Variants in MCC observed in about 807,000 individuals in gnomAD.
MCC encodes colorectal mutant cancer protein.
In MCC, 90 loss-of-function variants were observed where a neutral mutation model predicts 116.2. The observed-to-expected ratio is 0.77, with a 90% CI of 0.65 to 0.92. The LOEUF (loss-of-function observed/expected upper bound fraction) is 0.92, where lower values mean the gene tolerates loss of function less well. Ranked by LOEUF, MCC falls within the 40% of genes least tolerant of loss-of-function variation. MCC has a pLI of 0.00. For synonymous variants in MCC, 578 were observed against 510.5 expected (o/e 1.13, Z -1.78); for missense variants, 1,516 against 1,312.2 (o/e 1.16, Z -2.40).
At chr5:113,123,677 C>G (rs1757863254) in intron 5 of MCC, among the ~76,000 whole-genome samples, 1 of 152,108 alleles carries the variant, frequency 6.6e-6, no homozygotes, top group African/African-American at 2.4e-5. Context: ...CCCACACCAC[C>G]ACCATCACCA....
At chr5:113,481,103 G>GT (rs1264818277) in intron 1 of MCC, among the ~76,000 whole-genome samples, 1 of 152,112 alleles carries the variant, frequency 6.6e-6, no homozygotes, top group Non-Finnish European at 1.5e-5. Flanking sequence ...ATATGAAGAA[G>GT]TTTTAGAATT....
intron 11 of MCC, among the ~76,000 whole-genome samples, chr5:113,076,330 G>A (rs1754452867): frequency 6.6e-6 from 1 of 152,136 alleles, no homozygotes; most frequent in South Asian, 2.1e-4. Context: ...TACTCCTTGA[G>A]AAGAGCATCT....
Position 113,027,116 on chromosome 5 carries a change from C to G in MCC, c.*186G>C, listed in dbSNP as rs1054894414. The G allele has an allele frequency of 1.6e-5, 10 of 609,328 alleles. No homozygotes were observed. The highest frequency in any genetic ancestry group is 1.1e-4 in the African/African-American group (6 of 53,900). The allele number at this position is 609,328 out of a possible 1,614,324, so 37.7% of individuals were successfully genotyped here. A position where few individuals can be genotyped will look rare whatever the true frequency, so the allele number is the denominator to read the frequency against. ...AGGGAAGAGCGGGCACCTCTGGATA[C>G]AGTCCACAATGTCACCATGGCCAGT... On this transcript the variant is annotated 3_prime_UTR_variant, in exon 19 of 19. Coordinates refer to ENST00000408903, the MANE Select transcript of MCC (RefSeq NM_001085377.2).
chr5:113,430,696 G>A (rs1770611086), intron 1 of MCC, among the ~76,000 whole-genome samples: 1 of 152,170 alleles, frequency 6.6e-6, no homozygotes, highest in Non-Finnish European at 1.5e-5. Flanking sequence ...AGGAGGGCAT[G>A]GAAAAGTAAG....
intron 3 of MCC, among the ~76,000 whole-genome samples, chr5:113,167,329 T>A (rs931865509): frequency 6.6e-6 from 1 of 152,202 alleles, no homozygotes; most frequent in African/African-American, 2.4e-5. Flanking sequence ...TACAGAAGTG[T>A]GAAATTTGCG....
intron 3 of MCC, among the ~76,000 whole-genome samples, chr5:113,201,104 G>C (rs1470819760): frequency 6.6e-6 from 1 of 152,040 alleles, no homozygotes; most frequent in African/African-American, 2.4e-5. Flanking sequence ...CTACTGGCCT[G>C]GCTGGGCACA....
intron 3 of MCC, among the ~76,000 whole-genome samples, chr5:113,324,573 A>G (rs1433516993): frequency 2.0e-5 from 3 of 152,192 alleles, no homozygotes; most frequent in Non-Finnish European, 4.4e-5. Context: ...CTTCTCTATT[A>G]TAAAAACCAT....
chr5:113,031,057 C>G (rs1335117203), intron 17 of MCC, among the ~76,000 whole-genome samples: 1 of 152,130 alleles, frequency 6.6e-6, no homozygotes, highest in Non-Finnish European at 1.5e-5. Context: ...TTTCATATAT[C>G]TAATCTTTTA....
At position 113,434,298 on chromosome 5, in the gene MCC, T is replaced by A; in HGVS notation, c.171-49086A>T. The A allele has an allele frequency of 6.2e-7, 1 of 1,614,120 alleles. No homozygotes were observed. The highest frequency in any genetic ancestry group is 2.2e-5 in the East Asian group (1 of 44,878). ...GCCCTGCAGCACCTCTGGGGCCGCA[T>A]ACGCTGGTGACCCACAGAAGGTCTT... is the stretch of plus-strand genomic sequence containing the variant. On this transcript the variant is annotated intron_variant, in intron 1 of 18. Coordinates refer to ENST00000408903, the MANE Select transcript of MCC (RefSeq NM_001085377.2). The surrounding 1 kb of genome is among the most constrained non-coding windows in gnomAD (Gnocchi z 4.2).
At chr5:113,484,061 G>A (rs1369799598) in intron 1 of MCC, among the ~76,000 whole-genome samples, 1 of 152,148 alleles carries the variant, frequency 6.6e-6, no homozygotes, top group Non-Finnish European at 1.5e-5. Context: ...AAGTTGGAAG[G>A]AGGGGGAGGA....
intron 14 of MCC, among the ~76,000 whole-genome samples, chr5:113,059,770 C>T (rs1753091041): frequency 6.6e-6 from 1 of 152,188 alleles, no homozygotes; most frequent in Non-Finnish European, 1.5e-5. Flanking sequence ...GCAGCTCTTC[C>T]AGCACAAAGC....
chr5:113,120,368 T>A (rs1757665230), intron 6 of MCC, among the ~76,000 whole-genome samples: 1 of 152,228 alleles, frequency 6.6e-6, no homozygotes, highest in Non-Finnish European at 1.5e-5. Context: ...CTCCTCAACA[T>A]AATTCTGCCT....
At chr5:113,043,740 G>T (rs1447301559) in intron 16 of MCC, 110 bp from the exon 17 acceptor site, 8 of 681,546 alleles carry the variant, frequency 1.2e-5, no homozygotes, top group African/African-American at 1.8e-5. Flanking sequence ...AGCAGTGTGG[G>T]CACCGGGTGG....
chr5:113,068,046 C>G (rs771650339), intron 13 of MCC, 34 bp downstream of exon 13: 4 of 1,556,538 alleles, frequency 2.6e-6, no homozygotes, highest in Non-Finnish European at 3.5e-6. Context: ...GGCAGGGAGA[C>G]AAGAGGAGGA....
chr5:113,085,273 G>A lies in MCC; in HGVS notation c.1436C>T (p.Ala479Val). 1 of 1,614,094 alleles carries A rather than the reference G, an allele frequency of 6.2e-7. No individual in the cohort carries two copies. The highest frequency in any genetic ancestry group is 1.3e-5 in the African/African-American group (1 of 75,036). Reference sequence around the variant, plus strand: ...GCGGCCAGGGCTGGAGGGACCTGTGGCCTGCACGCTCTGTAGTCGAGTTTG... The same window carrying A: ...GCGGCCAGGGCTGGAGGGACCTGTGACCTGCACGCTCTGTAGTCGAGTTTG... Reference protein sequence around the residue: ...ELQTRLQSVQATGPSSPGRLT... With the variant: ...ELQTRLQSVQVTGPSSPGRLT... The change falls in exon 9 of 19, where the codon GCC (alanine) becomes GTC (valine). Residue 479 changes from alanine (A) to valine (V), a missense_variant. By Grantham distance (64) the Ala-to-Val change is moderately conservative. Coordinates refer to ENST00000408903, the MANE Select transcript of MCC (RefSeq NM_001085377.2).
chr5:113,210,993 T>C (rs1763114961), intron 3 of MCC, among the ~76,000 whole-genome samples: 1 of 152,220 alleles, frequency 6.6e-6, no homozygotes, highest in Admixed American at 6.5e-5. Flanking sequence ...AGAAAAGACT[T>C]CTCACTGGTG....
In MCC at chr5:113,143,200, C is replaced by T. The variant is rs1194324211; in HGVS notation, c.884+18G>A. ...TTTAGCAGAAGGGGCAGAGTAAAAG[C>T]CGAATGGAGCCGCGTACCTGATGGT... On this transcript the variant is annotated intron_variant, in intron 5 of 18. Transcript: ENST00000408903. The T allele has an allele frequency of 1.9e-6, 3 of 1,580,010 alleles. No individual in the cohort carries two copies. In the South Asian group the frequency reaches 3.5e-5, roughly 18 times the overall value.
chr5:113,367,484 A>G (rs1242869841), intron 2 of MCC, among the ~76,000 whole-genome samples: 1 of 151,666 alleles, frequency 6.6e-6, no homozygotes, highest in Non-Finnish European at 1.5e-5. Context: ...TTCACTTCTC[A>G]TCTGTTTTCA....
chr5:113,034,504 C>T (rs1751189979), intron 17 of MCC, among the ~76,000 whole-genome samples: 2 of 152,206 alleles, frequency 1.3e-5, no homozygotes, highest in South Asian at 4.1e-4. Flanking sequence ...CGGGCGAGAG[C>T]CCAGTCTCAA....
Sources: allele counts gnomAD v4.1 joint callset (sites outside exome capture counted in the v4.1 genomes callset), GRCh38; gene constraint gnomAD v4.1.1; non-coding constraint Gnocchi (gnomAD v3.1); transcripts MANE v1.5; gene names NCBI Gene and HGNC (gene_info 2026-07-23, HGNC 2026-07-21).